Variants in RNF144B observed in about 807,000 individuals in gnomAD.
The protein encoded by RNF144B is ring finger protein 144B, also known as E3 ubiquitin-protein ligase RNF144B.
A neutral mutation model predicts 40.2 loss-of-function variants in RNF144B; 25 were observed. The ratio of observed to expected loss-of-function variants is 0.62; its 90% CI spans 0.45 to 0.87. The LOEUF (loss-of-function observed/expected upper bound fraction) is 0.87. Ranked by LOEUF, RNF144B falls within the 40% of genes least tolerant of loss-of-function variation. The pLI, the probability that RNF144B is intolerant of heterozygous loss-of-function variation, is 0.00. For missense variants in RNF144B, 365 were observed against 373.7 expected (o/e 0.98, Z 0.19); for synonymous variants, 145 against 136.3 (o/e 1.06, Z -0.44).
In RNF144B at chr6:18,427,650, G is replaced by A. The variant is rs1243509318; in HGVS notation, c.235G>A (p.Val79Met). The A allele has an allele frequency of 4.3e-6, 7 of 1,613,492 alleles. No individual in the cohort carries two copies. Among genetic ancestry groups the A allele is most frequent in the Admixed American group, 1.7e-5 (1 of 59,936 alleles). ...CGSPITCPDMVCLNHGTLQEA... is the reference protein window; with the variant it reads ...CGSPITCPDMMCLNHGTLQEA... ...GTCTCCCATCACTTGCCCTGACATG[G>A]TGTGCCTAAACCACGGGACCCTGCA... The change falls in exon 3 of 8, where the codon GTG (valine) becomes ATG (methionine). Residue 79 changes from valine to methionine, a missense_variant. Coordinates refer to ENST00000259939, the MANE Select transcript of RNF144B (RefSeq NM_182757.4).
rs751222587 is a variant in RNF144B at position 18,387,621 on chromosome 6, C to G, written c.-46C>G. 2.3e-6 allele frequency: 3 copies of G among 1,308,078 alleles called. No individual in the cohort carries two copies. The highest frequency in any genetic ancestry group is 2.2e-5 in the Admixed American group (1 of 45,742). 81.0% of individuals were successfully genotyped at this position (1,308,078 alleles called of 1,614,324 possible). A position where few individuals can be genotyped will look rare whatever the true frequency, so the allele number is the denominator to read the frequency against. ...AGCCCGGCGACGGAGGAACGCAGGT[C>G]TGCTGCCAGGTAGGTTTAGCGAGCT... On this transcript the variant is annotated 5_prime_UTR_variant, in exon 1 of 8. Transcript: ENST00000259939.
chr6:18,466,828 A>T lies in RNF144B; in HGVS notation c.*1761A>T, dbSNP rs1759580358. On this transcript the variant is annotated 3_prime_UTR_variant, in exon 8 of 8. Coordinates refer to ENST00000259939, the MANE Select transcript of RNF144B (RefSeq NM_182757.4). ...ATTCACAAGTATATATTGATATCTG[A>T]TGTGTGTATAGTACATCTGTTGGTT... The T allele has an allele frequency of 6.6e-6, 1 of 152,626 alleles. No individual in the cohort carries two copies. The highest frequency in any genetic ancestry group is 1.5e-5 in the Non-Finnish European group (1 of 68,032). The allele number at this position is 152,626 out of a possible 1,614,324, so 9.5% of individuals were successfully genotyped here.
rs1231316736 is a variant in RNF144B at position 18,447,018 on chromosome 6, A to G, written c.331+7274A>G. Among the ~76,000 whole-genome samples the G allele has an allele frequency of 6.6e-6, 1 of 152,084 alleles. No individual in the cohort carries two copies. Among genetic ancestry groups the G allele is most frequent in the African/African-American group, 2.4e-5 (1 of 41,414 alleles). On this transcript the variant is annotated intron_variant, in intron 4 of 7. Coordinates refer to ENST00000259939, the MANE Select transcript of RNF144B (RefSeq NM_182757.4). This position sits in a 1 kb window ranked among gnomAD's most constrained non-coding sequence, Gnocchi z 5.6. ...GGGGAATACAGTGATCATCAGGACA[A>G]AATCCCTGCCCTAAAGGATCCTGTG...
At chr6:18,399,409 G>T in intron 1 of RNF144B, 90 bp from the exon 2 acceptor site, 1 of 911,494 alleles carries the variant, frequency 1.1e-6, no homozygotes, top group Non-Finnish European at 1.6e-6. Context: ...AACTGAGGGT[G>T]AGAATTTGAT....
rs1201382855 is a variant in RNF144B at position 18,457,544 on chromosome 6, C to A, written c.536+185C>A. 6.6e-6 allele frequency among the ~76,000 whole-genome samples: 1 copy of A among 152,028 alleles called. No homozygotes were observed. The highest frequency in any genetic ancestry group is 6.5e-5 in the Admixed American group (1 of 15,274). On this transcript the variant is annotated intron_variant, in intron 5 of 7. Coordinates refer to ENST00000259939, the MANE Select transcript of RNF144B (RefSeq NM_182757.4). This position sits in a 1 kb window ranked among gnomAD's most constrained non-coding sequence, Gnocchi z 5.1. The stretch of plus-strand genomic sequence containing the variant: ...CAAAAAAGCATTTCTAGTTGTTTGC[C>A]CCAGAGGAATCTTCCAGATATTGCT...
chr6:18,394,499 G>A (rs1210688685), intron 1 of RNF144B, among the ~76,000 whole-genome samples: 3 of 151,938 alleles, frequency 2.0e-5, no homozygotes, highest in Non-Finnish European at 4.4e-5. Flanking sequence ...TTGGAACGCT[G>A]AGGCAGGAGA....
intron 2 of RNF144B, among the ~76,000 whole-genome samples, chr6:18,408,141 T>C (rs1054717906): frequency 6.6e-6 from 1 of 151,920 alleles, no homozygotes; most frequent in Non-Finnish European, 1.5e-5. Context: ...CCTGTCACCA[T>C]GCCCGGCTAA....
At chr6:18,411,690 G>C (rs1485066706) in intron 2 of RNF144B, among the ~76,000 whole-genome samples, 3 of 151,196 alleles carry the variant, frequency 2.0e-5, no homozygotes, top group Non-Finnish European at 4.4e-5. Flanking sequence ...TTTTAGTACA[G>C]AGGGGGTTGG....
chr6:18,388,797 T>C (rs560982496), intron 1 of RNF144B, among the ~76,000 whole-genome samples: 1 of 135,162 alleles, frequency 7.4e-6, no homozygotes, highest in Non-Finnish European at 1.6e-5. Context: ...TTGCACACCT[T>C]TGACTGGCAT....
At chr6:18,445,508 A>G (rs948838028) in intron 4 of RNF144B, among the ~76,000 whole-genome samples, 4 of 152,216 alleles carry the variant, frequency 2.6e-5, no homozygotes, top group African/African-American at 9.6e-5. Context: ...CAGAGTCTCA[A>G]GATCACATAG....
rs186728003 is a variant in RNF144B, at chr6:18,418,319, C to T, written c.166-9262C>T. Among the ~76,000 whole-genome samples the T allele has an allele frequency of 7.5e-4, 114 of 152,244 alleles. No individual in the cohort carries two copies. The highest frequency in any genetic ancestry group is 2.5e-3 in the African/African-American group (105 of 41,544). On this transcript the variant is annotated intron_variant, in intron 2 of 7. Transcript: ENST00000259939. The surrounding 1 kb of genome is among the most constrained non-coding windows in gnomAD (Gnocchi z 5.2). ...TAATACCACTCAACTGGAAACAACC[C>T]AAATGTCCATCAACTGATGAAAGTA...
chr6:18,411,290 A>G (rs1280572364), intron 2 of RNF144B, among the ~76,000 whole-genome samples: 1 of 147,974 alleles, frequency 6.8e-6, no homozygotes, highest in Non-Finnish European at 1.5e-5. Context: ...GTGAAAGTAC[A>G]TTTTTAAAAA....
At chr6:18,431,420 C>T (rs1758693989) in intron 3 of RNF144B, among the ~76,000 whole-genome samples, 1 of 152,124 alleles carries the variant, frequency 6.6e-6, no homozygotes, top group African/African-American at 2.4e-5. Flanking sequence ...GTAAATACCA[C>T]ACACATGAAT....
chr6:18,420,100 G>A (rs1438965770), intron 2 of RNF144B, among the ~76,000 whole-genome samples: 1 of 151,948 alleles, frequency 6.6e-6, no homozygotes, highest in Non-Finnish European at 1.5e-5. Flanking sequence ...AGCACAGACT[G>A]AGTATCCCCT....
chr6:18,458,846 G>T lies in RNF144B; in HGVS notation c.537-761G>T, dbSNP rs1469146483. Among the ~76,000 whole-genome samples, 2 of 152,182 alleles carry T rather than the reference G, an allele frequency of 1.3e-5. No homozygotes were observed. The highest frequency in any genetic ancestry group is 4.8e-5 in the African/African-American group (2 of 41,444). On this transcript the variant is annotated intron_variant, in intron 5 of 7. Transcript: ENST00000259939. This position sits in a 1 kb window ranked among gnomAD's most constrained non-coding sequence, Gnocchi z 4.8. The stretch of plus-strand genomic sequence containing the variant: ...ACTCTGAATACCAGGAGTCAGAAAG[G>T]CTTCAATGAGCATTTCCTTTGTCAT...
At chr6:18,428,468 T>C (rs2113500416) in intron 3 of RNF144B, among the ~76,000 whole-genome samples, 1 of 152,052 alleles carries the variant, frequency 6.6e-6, no homozygotes, top group Non-Finnish European at 1.5e-5. Flanking sequence ...TCAATTGATC[T>C]GTAGCAGGCA....
rs368738259 is a variant in RNF144B at position 18,395,662 on chromosome 6, G to GA, written c.-36-3834dup. On this transcript the variant is annotated intron_variant, in intron 1 of 7. Coordinates refer to ENST00000259939, the MANE Select transcript of RNF144B (RefSeq NM_182757.4). This position sits in a 1 kb window ranked among gnomAD's most constrained non-coding sequence, Gnocchi z 4.5. The stretch of plus-strand genomic sequence containing the variant: ...GTTGGTTTTGCCCAAAGTGAGAAAC[G>GA]AAAGGGTTGGTTTTTAGTCTGTGCA... Among the ~76,000 whole-genome samples the GA allele has an allele frequency of 2.0e-5, 3 of 151,740 alleles. No homozygotes were observed. The highest frequency in any genetic ancestry group is 2.0e-4 in the Admixed American group (3 of 15,220).
rs1293126148 is a variant in RNF144B at position 18,425,557 on chromosome 6, G to A, written c.166-2024G>A. 6.6e-6 allele frequency among the ~76,000 whole-genome samples: 1 copy of A among 152,110 alleles called. No individual in the cohort carries two copies. Among genetic ancestry groups the A allele is most frequent in the Non-Finnish European group, 1.5e-5 (1 of 68,018 alleles). On this transcript the variant is annotated intron_variant, in intron 2 of 7. Coordinates refer to ENST00000259939, the MANE Select transcript of RNF144B (RefSeq NM_182757.4). This position sits in a 1 kb window ranked among gnomAD's most constrained non-coding sequence, Gnocchi z 4.2. ...TCTTCTATGTCCCACTGCTGCTGCT[G>A]CTGGATACCATGTTTGGCACAGTAA...
In RNF144B at chr6:18,457,396, A is replaced by G; in HGVS notation, c.536+37A>G. 1.3e-6 allele frequency: 2 copies of G among 1,501,024 alleles called. No homozygotes were observed. Among genetic ancestry groups the G allele is most frequent in the Non-Finnish European group, 1.9e-6 (2 of 1,076,858 alleles). 93.0% of individuals were successfully genotyped at this position (1,501,024 alleles called of 1,614,324 possible). A position where few individuals can be genotyped will look rare whatever the true frequency, so the allele number is the denominator to read the frequency against. ...AACTTTGTCTTTGGGATTATTCACT[A>G]GTTTTCTTAGAAATTCAACATACCT... On this transcript the variant is annotated intron_variant, in intron 5 of 7. Coordinates refer to ENST00000259939, the MANE Select transcript of RNF144B (RefSeq NM_182757.4). The surrounding 1 kb of genome is among the most constrained non-coding windows in gnomAD (Gnocchi z 5.1).
Sources: gnomAD v4.1 joint callset for allele counts (sites outside exome capture counted in the v4.1 genomes callset) on GRCh38, gnomAD v4.1.1 for gene constraint, Gnocchi (gnomAD v3.1) non-coding constraint, MANE v1.5 for transcripts, NCBI Gene and HGNC (gene_info 2026-07-23, HGNC 2026-07-21) for gene names.